Variants in EHMT1 observed in about 807,000 individuals in gnomAD.
The protein encoded by EHMT1 is histone-lysine N-methyltransferase EHMT1.
Under a neutral mutation model 147.2 loss-of-function variants are expected in EHMT1, and 15 were observed. The observed-to-expected ratio is 0.10, with a 90% CI of 0.07 to 0.16. The LOEUF (loss-of-function observed/expected upper bound fraction) is 0.16, where lower values mean the gene tolerates loss of function less well. Ranked by LOEUF, EHMT1 falls within the 10% of genes least tolerant of loss-of-function variation. EHMT1 has a pLI of 1.00. For synonymous variants in EHMT1, 795 were observed against 709.6 expected (o/e 1.12, Z -1.91); for missense variants, 1,587 against 1,772.4 (o/e 0.90, Z 1.88).
intron 1 of EHMT1, among the ~76,000 whole-genome samples, chr9:137,686,121 T>C (rs1469445243): frequency 1.3e-5 from 2 of 152,198 alleles, no homozygotes; most frequent in African/African-American, 4.8e-5. Context: ...CCTTACCAGA[T>C]ACATGATTTG....
In EHMT1 at chr9:137,752,626, G is replaced by A. The variant is rs11137202; in HGVS notation, c.1248+218G>A. 0.24 allele frequency among the ~76,000 whole-genome samples: 36,989 copies of A among 152,188 alleles called. 5,224 individuals carry two copies. Among genetic ancestry groups the A allele is most frequent in the Admixed American group, 0.38 (5,785 of 15,292 alleles). The stretch of plus-strand genomic sequence containing the variant: ...TGCAGCGCAGGGCTGGGCCTGGCAC[G>A]GGGCTGCCCCAGCTGCGTGCTGGGT... On this transcript the variant is annotated intron_variant, in intron 7 of 26. Transcript: ENST00000460843.
intron 1 of EHMT1, among the ~76,000 whole-genome samples, chr9:137,665,797 G>T (rs1437112631): frequency 6.6e-6 from 1 of 152,192 alleles, no homozygotes; most frequent in South Asian, 2.1e-4. Context: ...TTTTAAAATG[G>T]TTGTGAATGC....
intron 1 of EHMT1, among the ~76,000 whole-genome samples, chr9:137,672,410 G>A (rs1446135413): frequency 6.6e-6 from 1 of 152,068 alleles, no homozygotes; most frequent in Non-Finnish European, 1.5e-5. Context: ...ACACTAACTC[G>A]GTGGCATTTT....
In EHMT1 at chr9:137,717,606, A is replaced by C. The variant is rs1439162986; in HGVS notation, c.642+424A>C. Reference sequence around the variant, plus strand: ...GGGCACCAGAGTGAGACCCTGTCTCAAAAAAAAAAAAAAAAAAAAAGAGAT... The same window carrying C: ...GGGCACCAGAGTGAGACCCTGTCTCCAAAAAAAAAAAAAAAAAAAAGAGAT... On this transcript the variant is annotated intron_variant, in intron 3 of 26. Transcript: ENST00000460843. Among the ~76,000 whole-genome samples, 6 of 60,314 alleles carry C rather than the reference A, an allele frequency of 9.9e-5. No homozygotes were observed. The East Asian group carries it at 1.2e-3, about 12-fold the overall frequency. The allele number at this position is 60,314 out of a possible 152,430, so 39.6% of individuals were successfully genotyped here. A position where few individuals can be genotyped will look rare whatever the true frequency, so the allele number is the denominator to read the frequency against.
chr9:137,738,142 C>T (rs191323385), intron 4 of EHMT1, among the ~76,000 whole-genome samples: 7 of 151,248 alleles, frequency 4.6e-5, no homozygotes, highest in African/African-American at 1.2e-4. Context: ...TGCAGTGAGC[C>T]GAGATCGGAC....
chr9:137,754,396 G>A (rs1949217184), intron 8 of EHMT1, 105 bp downstream of exon 8: 3 of 1,473,424 alleles, frequency 2.0e-6, no homozygotes, highest in Non-Finnish European at 1.8e-6. Context: ...TAGAAAAGAG[G>A]GCATCACTGT....
intron 4 of EHMT1, among the ~76,000 whole-genome samples, chr9:137,730,340 G>A (rs906867542): frequency 1.1e-4 from 17 of 152,096 alleles, no homozygotes; most frequent in Admixed American, 3.3e-4. Context: ...GTGCCAAATG[G>A]TGGTTTTCTA....
intron 1 of EHMT1, among the ~76,000 whole-genome samples, chr9:137,668,967 A>G (rs1159257114): frequency 6.6e-6 from 1 of 152,154 alleles, no homozygotes; most frequent in Non-Finnish European, 1.5e-5. Flanking sequence ...GCTCACTGCA[A>G]GCTCCGCCTC....
chr9:137,742,655 T>G (rs1237782481), intron 4 of EHMT1, among the ~76,000 whole-genome samples: 1 of 152,208 alleles, frequency 6.6e-6, no homozygotes, highest in Non-Finnish European at 1.5e-5. Flanking sequence ...CTGCTGCTCT[T>G]GTTTGGAAAC....
intron 18 of EHMT1, among the ~76,000 whole-genome samples, chr9:137,804,841 T>C (rs926865288): frequency 2.6e-5 from 4 of 152,218 alleles, no homozygotes; most frequent in Admixed American, 2.6e-4. Context: ...TCTTTCTACA[T>C]AGAATTGACT....
At chr9:137,781,221 CTGGGA>C (rs1951488113) in intron 14 of EHMT1, among the ~76,000 whole-genome samples, 1 of 101,878 alleles carries the variant, frequency 9.8e-6, no homozygotes, top group Non-Finnish European at 1.8e-5. Flanking sequence ...GGTGACGACG[CTGGGA>C]CGTGTGGTGA....
chr9:137,733,250 T>G (rs896872662), intron 4 of EHMT1, among the ~76,000 whole-genome samples: 1 of 152,268 alleles, frequency 6.6e-6, no homozygotes, highest in South Asian at 2.1e-4. Context: ...AGCATTGTTT[T>G]AGGTGAGCAT....
At chr9:137,802,913 A>C in intron 18 of EHMT1, 1 of 1,232,664 alleles carries the variant, frequency 8.1e-7, no homozygotes, top group Non-Finnish European at 1.0e-6. Context: ...AGAAGAGGGA[A>C]GCAGAGGAGC....
intron 8 of EHMT1, among the ~76,000 whole-genome samples, 176 bp downstream of exon 8, chr9:137,754,467 CT>C (rs1949222841): frequency 6.6e-6 from 1 of 152,040 alleles, no homozygotes; most frequent in East Asian, 1.9e-4. Context: ...AAGTAGTTTC[CT>C]TCTGGCCAAT....
chr9:137,833,233 C>T (rs1956345363), intron 25 of EHMT1, among the ~76,000 whole-genome samples: 1 of 152,248 alleles, frequency 6.6e-6, no homozygotes, highest in Non-Finnish European at 1.5e-5. Context: ...GCCCCGCCCT[C>T]TCGGAACTCG....
At chr9:137,718,755 T>C (rs1159122229) in intron 3 of EHMT1, among the ~76,000 whole-genome samples, 1 of 145,152 alleles carries the variant, frequency 6.9e-6, no homozygotes, top group Non-Finnish European at 1.5e-5. Context: ...TTTCTTTTTC[T>C]TTTTCTTTTT....
At chr9:137,705,157 T>G (rs1944159209) in intron 1 of EHMT1, among the ~76,000 whole-genome samples, 1 of 152,050 alleles carries the variant, frequency 6.6e-6, no homozygotes, top group Non-Finnish European at 1.5e-5. Context: ...TCCTAGCTAA[T>G]TTTTAAAAAT....
chr9:137,759,778 G>A (rs952256133), intron 9 of EHMT1, among the ~76,000 whole-genome samples: 8 of 152,206 alleles, frequency 5.3e-5, no homozygotes, highest in Admixed American at 3.9e-4. Flanking sequence ...TGTGGCCCGG[G>A]ACCCCAGAGG....
intron 25 of EHMT1, among the ~76,000 whole-genome samples, chr9:137,831,962 G>A (rs928999515): frequency 3.3e-5 from 5 of 150,250 alleles, no homozygotes; most frequent in African/African-American, 9.8e-5. Context: ...GCTGCACTTC[G>A]CCCCAGTCCT....
Sources: allele counts gnomAD v4.1 joint callset (sites outside exome capture counted in the v4.1 genomes callset), GRCh38; gene constraint gnomAD v4.1.1; transcripts MANE v1.5; gene names NCBI Gene and HGNC (gene_info 2026-07-23, HGNC 2026-07-21).